The following MFSD6 variants were observed in gnomAD, a reference collection of about 807,000 sequenced individuals.
MFSD6 encodes the protein major facilitator superfamily domain-containing protein 6.
Under a neutral mutation model 56.3 loss-of-function variants are expected in MFSD6, and 26 were observed. The ratio of observed to expected loss-of-function variants is 0.46; its 90% CI spans 0.34 to 0.64. The LOEUF is 0.64. Ranked by LOEUF, MFSD6 falls within the 30% of genes least tolerant of loss-of-function variation. The pLI is 0.01. For synonymous variants in MFSD6, 331 were observed against 366.9 expected (o/e 0.90, Z 1.12); for missense variants, 750 against 986.2 (o/e 0.76, Z 3.21).
chr2:190,434,321 A>T lies in MFSD6; in HGVS notation c.-53-1656A>T, dbSNP rs111611373. On this transcript the variant is annotated intron_variant, in intron 2 of 7. Transcript: ENST00000392328. This position sits in a 1 kb window ranked among gnomAD's most constrained non-coding sequence, Gnocchi z 4.3. Reference sequence around the variant, plus strand: ...CACAAGACCTTTTGACACTTTAATCATTCAATCTTTAATAGAAGAAAGGGA... The same window carrying T: ...CACAAGACCTTTTGACACTTTAATCTTTCAATCTTTAATAGAAGAAAGGGA... 6.6e-6 allele frequency among the ~76,000 whole-genome samples: 1 copy of T among 152,232 alleles called. No individual in the cohort carries two copies. The highest frequency in any genetic ancestry group is 2.1e-4 in the South Asian group (1 of 4,834).
intron 2 of MFSD6, among the ~76,000 whole-genome samples, chr2:190,428,723 G>T (rs1194053849): frequency 1.3e-5 from 2 of 151,754 alleles, no homozygotes; most frequent in African/African-American, 4.8e-5. Flanking sequence ...ACCCATGCTG[G>T]AGGGCAGTGG....
At chr2:190,408,743 G>A (rs1040758680) in intron 1 of MFSD6, among the ~76,000 whole-genome samples, 2 of 144,762 alleles carry the variant, frequency 1.4e-5, no homozygotes, top group African/African-American at 2.5e-5. Flanking sequence ...TGTCATCTTT[G>A]TGGGGTGCTG....
Position 190,425,363 on chromosome 2 carries a change from A to G in MFSD6, c.-54+9950A>G, listed in dbSNP as rs529103143. ...TATTGCACTGGTGAGAACTTCCAGC[A>G]TTGTGTTGCATAAGAATGATGAGAA... On this transcript the variant is annotated intron_variant, in intron 2 of 7. Coordinates refer to ENST00000392328, the MANE Select transcript of MFSD6 (RefSeq NM_017694.4). The surrounding 1 kb of genome is among the most constrained non-coding windows in gnomAD (Gnocchi z 4.3). 5.9e-5 allele frequency among the ~76,000 whole-genome samples: 9 copies of G among 152,236 alleles called. No homozygotes were observed. Among genetic ancestry groups the G allele is most frequent in the African/African-American group, 2.2e-4 (9 of 41,548 alleles).
At chr2:190,464,935 A>G (rs2125128325) in intron 3 of MFSD6, 2 of 982,872 alleles carry the variant, frequency 2.0e-6, no homozygotes, top group Middle Eastern at 1.0e-3. Context: ...GGATTTAGCC[A>G]TATTATAGTT....
In MFSD6 at chr2:190,416,744, T is replaced by C. The variant is rs1690790950; in HGVS notation, c.-54+1331T>C. 6.6e-6 allele frequency among the ~76,000 whole-genome samples: 1 copy of C among 152,232 alleles called. No homozygotes were observed. The highest frequency in any genetic ancestry group is 6.5e-5 in the Admixed American group (1 of 15,274). Reference sequence around the variant, plus strand: ...ATATGTTGCTTTTAGATTAACAGAATGCTTTCTCATACTTTATTTCATTTA... The same window carrying C: ...ATATGTTGCTTTTAGATTAACAGAACGCTTTCTCATACTTTATTTCATTTA... On this transcript the variant is annotated intron_variant, in intron 2 of 7. Coordinates refer to ENST00000392328, the MANE Select transcript of MFSD6 (RefSeq NM_017694.4). This position sits in a 1 kb window ranked among gnomAD's most constrained non-coding sequence, Gnocchi z 4.1.
chr2:190,454,976 ATGT>A lies in MFSD6; in HGVS notation c.1533-14781_1533-14779del. ...TATGTATATGTATATGTATATGTAT[ATGT>A]ATATGTATATGTATATGTATAATGT... On this transcript the variant is annotated intron_variant, in intron 3 of 7. Coordinates refer to ENST00000392328, the MANE Select transcript of MFSD6 (RefSeq NM_017694.4). The surrounding 1 kb of genome is among the most constrained non-coding windows in gnomAD (Gnocchi z 4.6). 1.1e-5 allele frequency among the ~76,000 whole-genome samples: 1 copy of A among 90,878 alleles called. No homozygotes were observed. The highest frequency in any genetic ancestry group is 3.0e-5 in the Non-Finnish European group (1 of 33,566). 59.6% of individuals were successfully genotyped at this position (90,878 alleles called of 152,430 possible).
chr2:190,482,530 T>C (rs979926226), intron 4 of MFSD6, among the ~76,000 whole-genome samples: 3 of 152,056 alleles, frequency 2.0e-5, no homozygotes, highest in African/African-American at 7.2e-5. Context: ...TAAGCTTAAG[T>C]CAGTGGCAGA....
rs1159558068 is a variant in MFSD6, at chr2:190,458,574, T to C, written c.1533-11184T>C. 1.3e-5 allele frequency among the ~76,000 whole-genome samples: 2 copies of C among 152,178 alleles called. No individual in the cohort carries two copies. The highest frequency in any genetic ancestry group is 2.9e-5 in the Non-Finnish European group (2 of 68,032). ...ACTAATACAGTCCTGTAGGCCTAGC[T>C]TCACCCCAGTTTTAGATTCCCTTCC... On this transcript the variant is annotated intron_variant, in intron 3 of 7. Transcript: ENST00000392328. The surrounding 1 kb of genome is among the most constrained non-coding windows in gnomAD (Gnocchi z 5.3).
At chr2:190,470,903 G>A (rs1172692194) in intron 4 of MFSD6, among the ~76,000 whole-genome samples, 28 of 150,880 alleles carry the variant, frequency 1.9e-4, no homozygotes, top group Admixed American at 1.6e-3. Flanking sequence ...TAAAATTCAA[G>A]TATATATATA....
rs554785903 is a variant in MFSD6 at position 190,496,792 on chromosome 2, A to C, written c.1892-647A>C. Among the ~76,000 whole-genome samples the C allele has an allele frequency of 7.9e-5, 12 of 152,330 alleles. 2 individuals carry two copies. In the South Asian group the frequency reaches 2.5e-3, roughly 32 times the overall value. ...TGGATGGAACTGGAGACCATATTCTAAGTGAAGCAACTCAAGAATGGAAAA... is the reference window on the plus strand; with the variant it reads ...TGGATGGAACTGGAGACCATATTCTCAGTGAAGCAACTCAAGAATGGAAAA... On this transcript the variant is annotated intron_variant, in intron 6 of 7. Transcript: ENST00000392328. The surrounding 1 kb of genome is among the most constrained non-coding windows in gnomAD (Gnocchi z 4.7).
At position 190,493,720 on chromosome 2, in the gene MFSD6, C is replaced by A. The variant is rs138676553; in HGVS notation, c.1892-3719C>A. 1.2e-3 allele frequency among the ~76,000 whole-genome samples: 180 copies of A among 152,214 alleles called. 1 individual carries two copies. Among genetic ancestry groups the A allele is most frequent in the African/African-American group, 4.3e-3 (177 of 41,518 alleles). On this transcript the variant is annotated intron_variant, in intron 6 of 7. Transcript: ENST00000392328. ...AACTGGAAATCAACTCCAAAAGGAACCTTCAAAACCATGCAAATAAATGGA... is the reference window on the plus strand; with the variant it reads ...AACTGGAAATCAACTCCAAAAGGAAACTTCAAAACCATGCAAATAAATGGA...
Position 190,443,240 on chromosome 2 carries a change from A to C in MFSD6, c.1532+5679A>C, listed in dbSNP as rs1315431643. 6.6e-6 allele frequency among the ~76,000 whole-genome samples: 1 copy of C among 152,244 alleles called. No individual in the cohort carries two copies. Among genetic ancestry groups the C allele is most frequent in the East Asian group, 1.9e-4 (1 of 5,206 alleles). ...TAAGGATTGTATGGTGGTTACGAGC[A>C]GAGGCTGAGTCAGATTGCCTGGCTC... On this transcript the variant is annotated intron_variant, in intron 3 of 7. Transcript: ENST00000392328. This position sits in a 1 kb window ranked among gnomAD's most constrained non-coding sequence, Gnocchi z 4.2.
chr2:190,470,301 A>T (rs1408406671), intron 4 of MFSD6, among the ~76,000 whole-genome samples: 2 of 152,208 alleles, frequency 1.3e-5, no homozygotes, highest in African/African-American at 4.8e-5. Flanking sequence ...CTTATAACTA[A>T]AGTTTTATAG....
chr2:190,478,715 C>G (rs1688485344), intron 4 of MFSD6, among the ~76,000 whole-genome samples: 1 of 152,070 alleles, frequency 6.6e-6, no homozygotes, highest in Non-Finnish European at 1.5e-5. Context: ...AAGACCTAGT[C>G]TGGGGAAGGG....
intron 3 of MFSD6, among the ~76,000 whole-genome samples, chr2:190,453,819 C>T (rs1686873217): frequency 6.6e-6 from 1 of 152,160 alleles, no homozygotes; most frequent in African/African-American, 2.4e-5. Context: ...CTGTCTGTGC[C>T]TTGGGCTTAT....
intron 3 of MFSD6, among the ~76,000 whole-genome samples, chr2:190,449,895 A>G (rs1375456408): frequency 8.5e-5 from 13 of 152,168 alleles, no homozygotes; most frequent in Non-Finnish European, 2.9e-5. Context: ...GAATAGCTTT[A>G]GGAGATATAC....
rs952697637 is a variant in MFSD6, at chr2:190,458,601, C to A, written c.1533-11157C>A. Among the ~76,000 whole-genome samples, 1 of 152,158 alleles carries A rather than the reference C, an allele frequency of 6.6e-6. No homozygotes were observed. The highest frequency in any genetic ancestry group is 2.4e-5 in the African/African-American group (1 of 41,422). Reference sequence around the variant, plus strand: ...CACCCCAGTTTTAGATTCCCTTCCCCCCGAGTGCTTGACAGATGGTTATTA... The same window carrying A: ...CACCCCAGTTTTAGATTCCCTTCCCACCGAGTGCTTGACAGATGGTTATTA... On this transcript the variant is annotated intron_variant, in intron 3 of 7. Transcript: ENST00000392328. The surrounding 1 kb of genome is among the most constrained non-coding windows in gnomAD (Gnocchi z 5.3).
At position 190,447,128 on chromosome 2, in the gene MFSD6, T is replaced by C. The variant is rs2125076716; in HGVS notation, c.1532+9567T>C. On this transcript the variant is annotated intron_variant, in intron 3 of 7. Transcript: ENST00000392328. The surrounding 1 kb of genome is among the most constrained non-coding windows in gnomAD (Gnocchi z 4.5). ...TGAAAGGATGTCTTGACACACAAAA[T>C]ATAAAAATATTAGCGCACTCAAGGT... 6.6e-6 allele frequency among the ~76,000 whole-genome samples: 1 copy of C among 152,206 alleles called. No individual in the cohort carries two copies. The highest frequency in any genetic ancestry group is 3.4e-3 in the Middle Eastern group (1 of 294).
chr2:190,430,322 C>A (rs923919440), intron 2 of MFSD6, among the ~76,000 whole-genome samples: 7 of 150,230 alleles, frequency 4.7e-5, no homozygotes, highest in African/African-American at 1.7e-4. Flanking sequence ...GAACAAAGAT[C>A]TCTGGTTTTC....
Sources: allele counts gnomAD v4.1 joint callset (sites outside exome capture counted in the v4.1 genomes callset), GRCh38; gene constraint gnomAD v4.1.1; non-coding constraint Gnocchi (gnomAD v3.1); transcripts MANE v1.5; gene names NCBI Gene and HGNC (gene_info 2026-07-23, HGNC 2026-07-21).